Variants in CCDC59 observed in about 807,000 individuals in gnomAD.
CCDC59 encodes the protein coiled-coil domain containing 59, also known as thyroid transcription factor 1-associated protein 26.
A neutral mutation model predicts 30.5 loss-of-function variants in CCDC59; 27 were observed. That is an observed-to-expected ratio of 0.89 (90% CI 0.65 to 1.22). The LOEUF is 1.22. Among genes scored for constraint, CCDC59 ranks in the 50% most tolerant of loss-of-function variants. The pLI is 0.00. For synonymous variants in CCDC59, 125 were observed against 100.9 expected, an observed-to-expected ratio of 1.24 and a Z score of -1.43; for missense variants, 362 against 284.4, an observed-to-expected ratio of 1.27 and a Z score of -1.96.
chr12:82,354,296 C>G (rs1880931853), intron 3 of CCDC59, among the ~76,000 whole-genome samples, 199 bp downstream of exon 3: 2 of 151,992 alleles, frequency 1.3e-5, no homozygotes, highest in Non-Finnish European at 2.9e-5. Context: ...TTTTGACCTA[C>G]TAGTATTGCT....
chr12:82,353,710 T>C (rs1005867041), intron 3 of CCDC59, among the ~76,000 whole-genome samples: 1 of 152,162 alleles, frequency 6.6e-6, no homozygotes, highest in Non-Finnish European at 1.5e-5. Flanking sequence ...TTTCTCCTAA[T>C]CTGCCACCAG....
upstream of CCDC59, chr12:82,358,522 C>G: frequency 6.3e-7 from 1 of 1,599,668 alleles, no homozygotes; most frequent in Non-Finnish European, 8.5e-7. Flanking sequence ...GCTGGCGCCT[C>G]ACGGCCATGT....
At chr12:82,354,648 G>C in intron 2 of CCDC59, 54 bp from the exon 3 acceptor site, 1 of 1,490,624 alleles carries the variant, frequency 6.7e-7, no homozygotes, top group African/African-American at 1.4e-5. Context: ...GTCCAAAAAG[G>C]TATTAAAAAC....
At chr12:82,356,420 C>A (rs1024424271) in intron 2 of CCDC59, among the ~76,000 whole-genome samples, 1 of 152,184 alleles carries the variant, frequency 6.6e-6, no homozygotes, top group Non-Finnish European at 1.5e-5. Flanking sequence ...TGAGTCTTCA[C>A]AACAATGTCA....
Position 82,358,275 on chromosome 12 carries a change from C to A in CCDC59, c.102G>T (p.Gln34His), listed in dbSNP as rs761837925. 5 of 1,614,082 alleles carry A rather than the reference C, an allele frequency of 3.1e-6. No homozygotes were observed. The African/African-American group carries it at 6.7e-5, about 22-fold the overall frequency. ...GCGGGTGGTTAGGCCGCCATGTCTT[C>A]TGTCTCACATTCTTATTCCTGTACC... is the stretch of plus-strand genomic sequence containing the variant. ...TVGYRNKNVRQKTWRPNHPQA... is the reference protein window; with the variant it reads ...TVGYRNKNVRHKTWRPNHPQA... The change falls in exon 1 of 4, where the codon CAG (glutamine) becomes CAT (histidine). Residue 34 changes from glutamine (Q) to histidine (H), a missense_variant. Physicochemically the swap from Gln to His is conservative, Grantham distance 24. Transcript: ENST00000256151.
In CCDC59 at chr12:82,357,022, T is replaced by G. The variant is rs941308670; in HGVS notation, c.402A>C (p.Leu134Phe). 2 of 1,614,200 alleles carry G rather than the reference T, an allele frequency of 1.2e-6. No individual in the cohort carries two copies. The highest frequency in any genetic ancestry group is 2.7e-5 in the African/African-American group (2 of 75,060). The stretch of plus-strand genomic sequence containing the variant: ...GGTCAAAGCTACACTGATCTTCAAA[T>G]AAAGGCTCGTCAATGCTACACTGTT... ...LEEQCSIDEP[L>F]FEDQCSFDQP... Residue 134 changes from leucine (L) to phenylalanine (F), a missense_variant, in exon 2 of 4, where the codon TTA (leucine) becomes TTC (phenylalanine). Transcript: ENST00000256151.
intron 1 of CCDC59, 140 bp from the exon 2 acceptor site, chr12:82,357,409 T>C: frequency 7.0e-6 from 5 of 711,248 alleles, no homozygotes; most frequent in Middle Eastern, 4.1e-4. Context: ...AAAAAATTAT[T>C]TCAAGCAACA....
intron 1 of CCDC59, 36 bp from the exon 2 acceptor site, chr12:82,357,305 A>C (rs769748085): frequency 1.3e-6 from 2 of 1,548,180 alleles, no homozygotes; most frequent in Non-Finnish European, 1.8e-6. Context: ...TTACTTTCAG[A>C]GAAAAGAAGT....
chr12:82,356,231 C>T (rs1330079723), intron 2 of CCDC59: 1 of 152,178 alleles, frequency 6.6e-6, no homozygotes, highest in African/African-American at 2.4e-5. Flanking sequence ...AAGTATGCAG[C>T]GATAGTTTTT....
chr12:82,356,483 T>TGCAACATG (rs1881014682), intron 2 of CCDC59, among the ~76,000 whole-genome samples: 1 of 152,234 alleles, frequency 6.6e-6, no homozygotes, highest in African/African-American at 2.4e-5. Context: ...TCTGGAGCTG[T>TGCAACATG]GCAACATGGC....
chr12:82,354,749 C>A, intron 2 of CCDC59, 155 bp from the exon 3 acceptor site: 1 of 566,018 alleles, frequency 1.8e-6, no homozygotes, highest in Non-Finnish European at 2.7e-6. Flanking sequence ...ATATAGAAAG[C>A]TATGAAAAAT....
At chr12:82,358,543 T>A, upstream of CCDC59, 4 of 1,605,284 alleles carry the variant, frequency 2.5e-6, no homozygotes, top group Non-Finnish European at 3.4e-6. Flanking sequence ...TTGCGCCACC[T>A]ACAGCCTCGG....
intron 2 of CCDC59, chr12:82,355,365 CAT>C (rs1258140853): frequency 2.6e-5 from 4 of 152,044 alleles, no homozygotes; most frequent in Non-Finnish European, 4.4e-5. Context: ...ATAAACAATT[CAT>C]ATGTTTTAAA....
At position 82,352,466 on chromosome 12, in the gene CCDC59, G is replaced by A. The variant is rs1212414189; in HGVS notation, c.*685C>T. On this transcript the variant is annotated 3_prime_UTR_variant, in exon 4 of 4. Coordinates refer to ENST00000256151, the MANE Select transcript of CCDC59 (RefSeq NM_014167.5). ...CCCAGTGGCTTATCTCAGCTCACAA[G>A]GGTACCAACAAGGGAGACAGAGATA... The A allele has an allele frequency of 1.3e-5, 2 of 152,214 alleles. No individual in the cohort carries two copies. The highest frequency in any genetic ancestry group is 2.9e-5 in the Non-Finnish European group (2 of 68,030). The allele number at this position is 152,214 out of a possible 1,614,324, so 9.4% of individuals were successfully genotyped here. A position where few individuals can be genotyped will look rare whatever the true frequency, so the allele number is the denominator to read the frequency against.
intron 1 of CCDC59, 83 bp from the exon 2 acceptor site, chr12:82,357,352 CTTTT>C (rs907195672): frequency 2.3e-5 from 27 of 1,158,448 alleles, no homozygotes; most frequent in Non-Finnish European, 3.3e-5. Context: ...CAAATGAAAA[CTTTT>C]TTTACGTCAT....
chr12:82,354,880 T>C (rs932379784), intron 2 of CCDC59: 10 of 211,408 alleles, frequency 4.7e-5, no homozygotes, highest in Middle Eastern at 1.8e-3. Flanking sequence ...ATTATGTGTA[T>C]ATATGAACTT....
In CCDC59 at chr12:82,352,800, TTGAAA is replaced by T. The variant is rs1382399402; in HGVS notation, c.*346_*350del. ...TAAAACAACGTAACTGTTTACTAAA[TTGAAA>T]TATTTCATTGAAATGCTTCATTGAT... On this transcript the variant is annotated 3_prime_UTR_variant, in exon 4 of 4. Coordinates refer to ENST00000256151, the MANE Select transcript of CCDC59 (RefSeq NM_014167.5). 1 of 160,562 alleles carries T rather than the reference TTGAAA, an allele frequency of 6.2e-6. No homozygotes were observed. The highest frequency in any genetic ancestry group is 1.4e-5 in the Non-Finnish European group (1 of 73,718). 9.9% of individuals were successfully genotyped at this position (160,562 alleles called of 1,614,324 possible). A position where few individuals can be genotyped will look rare whatever the true frequency, so the allele number is the denominator to read the frequency against.
upstream of CCDC59, chr12:82,358,577 T>C (rs763398870): frequency 3.7e-6 from 6 of 1,611,270 alleles, no homozygotes; most frequent in East Asian, 6.7e-5. Context: ...TGGCGGCTTC[T>C]TGCCCTCTCC....
intron 3 of CCDC59, among the ~76,000 whole-genome samples, chr12:82,353,977 TAAATA>T (rs1049343175): frequency 1.3e-5 from 2 of 151,754 alleles, no homozygotes; most frequent in African/African-American, 4.8e-5. Context: ...TCTGGTTTTC[TAAATA>T]ATAGAGTGCT....
Sources: allele counts gnomAD v4.1 joint callset (sites outside exome capture counted in the v4.1 genomes callset), GRCh38; gene constraint gnomAD v4.1.1; transcripts MANE v1.5; gene names NCBI Gene and HGNC (gene_info 2026-07-23, HGNC 2026-07-21).